PRH1: variants seen among roughly 807,000 people sequenced by gnomAD.
PRH1 encodes the protein proline rich protein HaeIII subfamily 1, also known as salivary acidic proline-rich phosphoprotein 1/2.
A neutral mutation model predicts 7.9 loss-of-function variants in PRH1; 7 were observed. The observed-to-expected ratio is 0.89, with a 90% CI of 0.50 to 1.67. The LOEUF is 1.67. Ranked by LOEUF, PRH1 falls within the 40% of genes most tolerant of loss-of-function variation. PRH1 has a pLI of 0.00. For synonymous variants in PRH1, 45 were observed against 80.8 expected (o/e 0.56, Z 2.38); for missense variants, 109 against 223.6 (o/e 0.49, Z 3.27).
chr12:11,042,703 C>A (rs1418779165), intron 1 of PRH1, among the ~76,000 whole-genome samples: 7 of 143,406 alleles, frequency 4.9e-5, no homozygotes, highest in South Asian at 2.3e-4. Flanking sequence ...GCTCTCCACT[C>A]ACTGCAAGCG....
At chr12:10,924,059 C>G (rs565143399) in intron 2 of PRH1, among the ~76,000 whole-genome samples, 233 of 129,094 alleles carry the variant, frequency 1.8e-3, no homozygotes, top group South Asian at 0.013. Flanking sequence ...GCGATCTCAG[C>G]TCACGGCAAG....
chr12:11,104,181 T>TAAAAAAAAAAAAAAAAAAAAAAAGA (rs760838136), intron 1 of PRH1, among the ~76,000 whole-genome samples: 3 of 49,554 alleles, frequency 6.1e-5, no homozygotes, highest in Non-Finnish European at 1.3e-4. Context: ...AATGAAAGAG[T>TAAAAAAAAAAAAAAAAAAAAAAAGA]AAAAAAAAAA....
intron 1 of PRH1, among the ~76,000 whole-genome samples, chr12:11,071,512 G>C (rs1292020161): frequency 3.3e-5 from 5 of 152,186 alleles, no homozygotes; most frequent in African/African-American, 4.8e-5. Flanking sequence ...ATGTAGAGTA[G>C]TTTATCTAAA....
chr12:11,046,992 G>C (rs1942923441), intron 1 of PRH1: 1 of 490,414 alleles, frequency 2.0e-6, no homozygotes, highest in Admixed American at 2.2e-5. Flanking sequence ...TTAGTGGTTT[G>C]AAAACACGTC....
intron 1 of PRH1, among the ~76,000 whole-genome samples, chr12:11,164,109 A>G (rs1947499999): frequency 6.6e-6 from 1 of 152,324 alleles, no homozygotes; most frequent in South Asian, 2.1e-4. Context: ...ACTGGGTTAA[A>G]GAATACCCGT....
At chr12:11,019,009 A>T (rs566302318) in intron 1 of PRH1, among the ~76,000 whole-genome samples, 281 of 128,730 alleles carry the variant, frequency 2.2e-3, no homozygotes, top group East Asian at 1.4e-3. Context: ...AAAATAAATT[A>T]AAAAAAAACT....
At chr12:11,114,742 G>C (rs1207365575) in intron 1 of PRH1, among the ~76,000 whole-genome samples, 1 of 152,088 alleles carries the variant, frequency 6.6e-6, no homozygotes, top group East Asian at 1.9e-4. Context: ...AAATGAAGAA[G>C]ATGGAGTTAA....
In PRH1 at chr12:10,989,450, T is replaced by C. The variant is rs1160808553; in HGVS notation, c.-125-15729A>G. On this transcript the variant is annotated intron_variant, in intron 1 of 3. Transcript: ENST00000539853. ...TCATTTGATTCATTTCCTTTGGATA[T>C]ATACATAGAAAGATAATTACAGGGT... 5.3e-5 allele frequency among the ~76,000 whole-genome samples: 8 copies of C among 152,332 alleles called. No homozygotes were observed. The East Asian group carries it at 1.2e-3, about 22-fold the overall frequency.
rs547306365 is a variant in PRH1, at chr12:11,096,758, A to C, written n.124-49570T>G. On this transcript the variant is annotated intron_variant and non_coding_transcript_variant, in intron 1 of 4. Transcript: ENST00000541977. The stretch of plus-strand genomic sequence containing the variant: ...ATCTCAACCACAGCTCCATCATTCT[A>C]TTCCATTATTTAAATTTTATGCGGT... Among the ~76,000 whole-genome samples, 75 of 114,870 alleles carry C rather than the reference A, an allele frequency of 6.5e-4. 25 individuals are homozygous for C. The highest frequency in any genetic ancestry group is 1.3e-3 in the Non-Finnish European group (64 of 48,438). 75.4% of individuals were successfully genotyped at this position (114,870 alleles called of 152,430 possible).
intron 1 of PRH1, among the ~76,000 whole-genome samples, chr12:11,138,565 T>C (rs556794410): frequency 3.3e-5 from 5 of 152,306 alleles, no homozygotes; most frequent in East Asian, 1.9e-4. Flanking sequence ...CATCTTACTA[T>C]AGTTTATTGG....
At chr12:11,143,391 CTA>C (rs1269505891) in intron 1 of PRH1, among the ~76,000 whole-genome samples, 3 of 151,984 alleles carry the variant, frequency 2.0e-5, no homozygotes, top group African/African-American at 4.8e-5. Flanking sequence ...AAGCAAGAAA[CTA>C]TATCATATCA....
At chr12:11,058,455 C>T (rs79095756) in intron 1 of PRH1, among the ~76,000 whole-genome samples, 133 of 148,212 alleles carry the variant, frequency 9.0e-4, no homozygotes, top group African/African-American at 3.1e-3. Context: ...TGCTCTCTCT[C>T]TATATTTCCT....
chr12:10,998,128 T>C (rs1212687157), intron 1 of PRH1, among the ~76,000 whole-genome samples: 1 of 152,190 alleles, frequency 6.6e-6, no homozygotes, highest in Admixed American at 6.6e-5. Flanking sequence ...ATAAAGTCTC[T>C]ATTCTTGCTA....
In PRH1 at chr12:11,068,002, T is replaced by A. The variant is rs550390055; in HGVS notation, n.124-20814A>T. Among the ~76,000 whole-genome samples the A allele has an allele frequency of 5.3e-5, 8 of 151,234 alleles. No individual in the cohort carries two copies. The South Asian group carries it at 1.7e-3, about 31-fold the overall frequency. On this transcript the variant is annotated intron_variant and non_coding_transcript_variant, in intron 1 of 4. Coordinates refer to the PRH1 transcript ENST00000541977. ...ATCACCCTAATTTTATATGTAGGAA[T>A]GTATTTTATGTTTCTGCTTTTTTAA...
At chr12:10,909,122 G>T (rs781585605) in intron 2 of PRH1, 5 of 1,613,804 alleles carry the variant, frequency 3.1e-6, no homozygotes, top group South Asian at 2.2e-5. Flanking sequence ...ATATTTCCCA[G>T]ATCAGCCCAA....
intron 1 of PRH1, among the ~76,000 whole-genome samples, chr12:11,121,783 T>C (rs1156930819): frequency 6.6e-6 from 1 of 151,836 alleles, no homozygotes; most frequent in Non-Finnish European, 1.5e-5. Context: ...GAATTCATAA[T>C]GAAATAAAAC....
Position 11,082,686 on chromosome 12 carries a change from A to C in PRH1, n.124-35498T>G, listed in dbSNP as rs1944534691. ...TCATCAAGAATAACATAAAACCAAC[A>C]TATTTCCAGTGATTTACTTGCTATT... On this transcript the variant is annotated intron_variant and non_coding_transcript_variant, in intron 1 of 4. Coordinates refer to the PRH1 transcript ENST00000541977. Among the ~76,000 whole-genome samples, 4 of 114,924 alleles carry C rather than the reference A, an allele frequency of 3.5e-5. 2 individuals are homozygous for C. In the South Asian group the frequency reaches 9.4e-4, roughly 27 times the overall value. 75.4% of individuals were successfully genotyped at this position (114,924 alleles called of 152,430 possible).
intron 2 of PRH1, among the ~76,000 whole-genome samples, chr12:10,940,416 C>G (rs1045973962): frequency 3.9e-5 from 6 of 152,134 alleles, no homozygotes; most frequent in Non-Finnish European, 5.9e-5. Context: ...ATTCCGGAGA[C>G]TTTGGAAATA....
intron 1 of PRH1, among the ~76,000 whole-genome samples, chr12:10,976,706 G>C (rs2135961876): frequency 6.6e-6 from 1 of 151,268 alleles, no homozygotes; most frequent in East Asian, 1.9e-4. Context: ...ATATACAAAT[G>C]AACACTTTCA....
Sources: gnomAD v4.1 joint callset for allele counts (sites outside exome capture counted in the v4.1 genomes callset) on GRCh38, gnomAD v4.1.1 for gene constraint, MANE v1.5 for transcripts, NCBI Gene and HGNC (gene_info 2026-07-23, HGNC 2026-07-21) for gene names.